The following DNAJC10 variants were observed in gnomAD, a reference collection of about 807,000 sequenced individuals.
DNAJC10 encodes the protein DnaJ heat shock protein family (Hsp40) member C10.
In DNAJC10, 101 loss-of-function variants were observed where a neutral mutation model predicts 115.0. That is an observed-to-expected ratio of 0.88 (90% confidence interval 0.75 to 1.04). DNAJC10 has a LOEUF of 1.04. DNAJC10 is among the 50% of genes least tolerant of loss of function. The probability of loss-of-function intolerance (pLI) is 0.00; values close to 1 mark genes in which losing one functional copy is unlikely to be tolerated. For synonymous variants in DNAJC10, 307 were observed against 301.5 expected, an observed-to-expected ratio of 1.02 and a Z score of -0.19; for missense variants, 981 against 928.8, an observed-to-expected ratio of 1.06 and a Z score of -0.73.
intron 4 of DNAJC10, among the ~76,000 whole-genome samples, chr2:182,721,234 T>C (rs931888584): frequency 6.6e-6 from 1 of 152,170 alleles, no homozygotes; most frequent in African/African-American, 2.4e-5. Flanking sequence ...AAATATGATT[T>C]TTTTTCAAAA....
chr2:182,737,050 T>C (rs1299208391), intron 11 of DNAJC10, among the ~76,000 whole-genome samples: 1 of 152,196 alleles, frequency 6.6e-6, no homozygotes, highest in Non-Finnish European at 1.5e-5. Context: ...GCACCTAACC[T>C]AATTGTTTAT....
intron 22 of DNAJC10, among the ~76,000 whole-genome samples, chr2:182,771,668 G>T (rs1694566652): frequency 6.6e-6 from 1 of 152,034 alleles, no homozygotes; most frequent in African/African-American, 2.4e-5. Context: ...GGGATTGGTG[G>T]TGATATCCCC....
Position 182,780,797 on chromosome 2 carries a change from G to C in DNAJC10, c.*3665G>C, listed in dbSNP as rs960149709. On this transcript the variant is annotated 3_prime_UTR_variant, in exon 24 of 24. Coordinates refer to ENST00000264065, the MANE Select transcript of DNAJC10 (RefSeq NM_018981.4). ...CCAAAAATACAGCCAAAGTCTCAACGCCAAACTGGTCTACATCAGTATGGA... is the reference window on the plus strand; with the variant it reads ...CCAAAAATACAGCCAAAGTCTCAACCCCAAACTGGTCTACATCAGTATGGA... 6.6e-6 allele frequency: 1 copy of C among 152,076 alleles called. No individual in the cohort carries two copies. Among genetic ancestry groups the C allele is most frequent in the Non-Finnish European group, 1.5e-5 (1 of 68,016 alleles). The allele number at this position is 152,076 out of a possible 1,614,324, so 9.4% of individuals were successfully genotyped here. A position where few individuals can be genotyped will look rare whatever the true frequency, so the allele number is the denominator to read the frequency against.
intron 22 of DNAJC10, among the ~76,000 whole-genome samples, chr2:182,763,163 A>C (rs572868790): frequency 6.6e-6 from 1 of 152,140 alleles, no homozygotes; most frequent in Non-Finnish European, 1.5e-5. Flanking sequence ...ATACTCTATA[A>C]TACACACTGC....
chr2:182,788,702 G>A lies in DNAJC10; in HGVS notation c.*11570G>A, dbSNP rs749000739. On this transcript the variant is annotated 3_prime_UTR_variant, in exon 24 of 24. Coordinates refer to ENST00000264065, the MANE Select transcript of DNAJC10 (RefSeq NM_018981.4). ...GAGCTTATCCCACAGCACAAGTAAC[G>A]TCTATTTATCTCAGAGGAAATCCAG... 13 of 413,518 alleles carry A rather than the reference G, an allele frequency of 3.1e-5. No homozygotes were observed. Among genetic ancestry groups the A allele is most frequent in the African/African-American group, 1.0e-4 (5 of 47,894 alleles). The allele number at this position is 413,518 out of a possible 1,614,324, so 25.6% of individuals were successfully genotyped here.
chr2:182,725,793 C>A (rs1693268566), intron 5 of DNAJC10, among the ~76,000 whole-genome samples: 2 of 152,156 alleles, frequency 1.3e-5, no homozygotes, highest in African/African-American at 4.8e-5. Flanking sequence ...TAGCTAAGAT[C>A]ATTGATGAAG....
intron 22 of DNAJC10, among the ~76,000 whole-genome samples, chr2:182,767,872 T>C (rs1280174051): frequency 6.6e-6 from 1 of 152,138 alleles, no homozygotes; most frequent in Non-Finnish European, 1.5e-5. Flanking sequence ...TACTACACAC[T>C]ACACTCCGTA....
At chr2:182,744,916 AC>A (rs553478782) in intron 14 of DNAJC10, among the ~76,000 whole-genome samples, 4 of 150,532 alleles carry the variant, frequency 2.7e-5, no homozygotes, top group Non-Finnish European at 4.4e-5. Flanking sequence ...TAGTTCTCAG[AC>A]CCCCCCTCTT....
chr2:182,756,160 C>T (rs1417140012), intron 17 of DNAJC10, among the ~76,000 whole-genome samples, 154 bp from the exon 18 acceptor site: 2 of 152,112 alleles, frequency 1.3e-5, no homozygotes, highest in African/African-American at 4.8e-5. Flanking sequence ...GGGTTTCATT[C>T]CCAAGATATA....
In DNAJC10 at chr2:182,791,141, G is replaced by T. The variant is rs2105731465; in HGVS notation, c.*14009G>T. 1 of 152,040 alleles carries T rather than the reference G, an allele frequency of 6.6e-6. No individual in the cohort carries two copies. The highest frequency in any genetic ancestry group is 1.5e-5 in the Non-Finnish European group (1 of 68,000). 9.4% of individuals were successfully genotyped at this position (152,040 alleles called of 1,614,324 possible). ...TGAAATGTGTTCCCTCAGAAGTAGG[G>T]CAATTCATTCATTATGAGATCAAGC... is the stretch of plus-strand genomic sequence containing the variant. On this transcript the variant is annotated 3_prime_UTR_variant, in exon 24 of 24. Transcript: ENST00000264065.
At chr2:182,740,509 A>G (rs1211067226) in intron 12 of DNAJC10, 121 bp downstream of exon 12, 1 of 958,038 alleles carries the variant, frequency 1.0e-6, no homozygotes, top group East Asian at 3.4e-5. Flanking sequence ...AGCAGTTTCA[A>G]AGGATTATAT....
chr2:182,792,253 T>G lies in DNAJC10; in HGVS notation c.*15121T>G, dbSNP rs1695064832. On this transcript the variant is annotated 3_prime_UTR_variant, in exon 24 of 24. Transcript: ENST00000264065. ...AATCTTGCACAAGTTTCATTAGAAT[T>G]AAATGCACTATCTGAAGTCTATGTT... The G allele has an allele frequency of 6.6e-6, 1 of 152,232 alleles. No homozygotes were observed. Among genetic ancestry groups the G allele is most frequent in the Non-Finnish European group, 1.5e-5 (1 of 68,034 alleles). The allele number at this position is 152,232 out of a possible 1,614,324, so 9.4% of individuals were successfully genotyped here. A position where few individuals can be genotyped will look rare whatever the true frequency, so the allele number is the denominator to read the frequency against.
At chr2:182,742,916 G>A (rs1021704182) in intron 13 of DNAJC10, among the ~76,000 whole-genome samples, 2 of 151,108 alleles carry the variant, frequency 1.3e-5, no homozygotes, top group Admixed American at 6.6e-5. Context: ...GTGCGATCTC[G>A]GCTCACTGCA....
At chr2:182,740,035 T>A in intron 11 of DNAJC10, 1 of 1,033,492 alleles carries the variant, frequency 9.7e-7, no homozygotes, top group African/African-American at 1.7e-5. Context: ...ACATCATAGT[T>A]AATTAAAAAT....
At chr2:182,755,721 G>C (rs1336030605) in intron 17 of DNAJC10, among the ~76,000 whole-genome samples, 1 of 152,038 alleles carries the variant, frequency 6.6e-6, no homozygotes, top group East Asian at 1.9e-4. Context: ...CAGAATGTCA[G>C]AAAAATGAGA....
At chr2:182,758,710 A>G (rs1398899208) in intron 19 of DNAJC10, 127 bp from the exon 20 acceptor site, 2 of 679,600 alleles carry the variant, frequency 2.9e-6, no homozygotes, top group Non-Finnish European at 5.1e-6. Context: ...GGTATATTTG[A>G]GAAGAGAGAT....
rs1250389540 is a variant in DNAJC10, at chr2:182,786,586, G to C, written c.*9454G>C. On this transcript the variant is annotated 3_prime_UTR_variant, in exon 24 of 24. Transcript: ENST00000264065. Reference sequence around the variant, plus strand: ...TAAGGTGTGACCTCCTGTTCCCAAAGGAATAGACCTAGGTGACCAACCAGC... The same window carrying C: ...TAAGGTGTGACCTCCTGTTCCCAAACGAATAGACCTAGGTGACCAACCAGC... 1 of 152,132 alleles carries C rather than the reference G, an allele frequency of 6.6e-6. No individual in the cohort carries two copies. Among genetic ancestry groups the C allele is most frequent in the Non-Finnish European group, 1.5e-5 (1 of 68,038 alleles). The allele number at this position is 152,132 out of a possible 1,614,324, so 9.4% of individuals were successfully genotyped here.
chr2:182,775,543 C>G (rs1694684687), intron 23 of DNAJC10, 123 bp downstream of exon 23: 3 of 579,284 alleles, frequency 5.2e-6, no homozygotes, highest in Non-Finnish European at 9.4e-6. Flanking sequence ...AGTAAGATAG[C>G]TGAAAATTCT....
chr2:182,785,164 CTA>C lies in DNAJC10; in HGVS notation c.*8035_*8036del, dbSNP rs1490381769. On this transcript the variant is annotated 3_prime_UTR_variant, in exon 24 of 24. Coordinates refer to ENST00000264065, the MANE Select transcript of DNAJC10 (RefSeq NM_018981.4). ...GAAAATCATACAGGCACACACACTG[CTA>C]TAGACATGTAAAGATACATACATGT... The C allele has an allele frequency of 4.6e-5, 7 of 152,068 alleles. No homozygotes were observed. The highest frequency in any genetic ancestry group is 1.7e-4 in the African/African-American group (7 of 41,406). 9.4% of individuals were successfully genotyped at this position (152,068 alleles called of 1,614,324 possible).
Sources: allele counts gnomAD v4.1 joint callset (sites outside exome capture counted in the v4.1 genomes callset), GRCh38; gene constraint gnomAD v4.1.1; transcripts MANE v1.5; gene names NCBI Gene and HGNC (gene_info 2026-07-23, HGNC 2026-07-21).